Variants in PPP2R2B observed in about 807,000 individuals in gnomAD.
The protein encoded by PPP2R2B is protein phosphatase 2 regulatory subunit Bbeta.
Under a neutral mutation model 46.0 loss-of-function variants are expected in PPP2R2B, and 5 were observed. That is an observed-to-expected ratio of 0.11 (90% CI 0.06 to 0.23). PPP2R2B has a LOEUF of 0.23. PPP2R2B is among the 10% of genes least tolerant of loss of function. PPP2R2B has a pLI of 1.00. For missense variants in PPP2R2B, 367 were observed against 575.0 expected (o/e 0.64, Z 3.70); for synonymous variants, 215 against 206.7 (o/e 1.04, Z -0.34).
intron 7 of PPP2R2B, among the ~76,000 whole-genome samples, chr5:146,623,263 A>C (rs1474356041): frequency 6.6e-6 from 1 of 152,252 alleles, no homozygotes; most frequent in African/African-American, 2.4e-5. Context: ...AACATTTGAA[A>C]TCACTATTTC....
intron 1 of PPP2R2B, among the ~76,000 whole-genome samples, chr5:147,053,386 C>G (rs892643850): frequency 6.6e-6 from 1 of 152,102 alleles, no homozygotes; most frequent in Non-Finnish European, 1.5e-5. Context: ...TAGAGTTTCT[C>G]TTAAGGAGAT....
intron 2 of PPP2R2B, among the ~76,000 whole-genome samples, chr5:147,080,384 A>T (rs1757937966): frequency 6.6e-6 from 1 of 152,212 alleles, no homozygotes; most frequent in Non-Finnish European, 1.5e-5. Flanking sequence ...ACCGTGATTT[A>T]AAATACCCAG....
At chr5:146,748,914 G>A (rs1308758206) in intron 2 of PPP2R2B, among the ~76,000 whole-genome samples, 1 of 152,156 alleles carries the variant, frequency 6.6e-6, no homozygotes, top group African/African-American at 2.4e-5. Flanking sequence ...AATACCCAGA[G>A]GTGCAATTCT....
chr5:147,003,589 G>C (rs1377862177), intron 1 of PPP2R2B, among the ~76,000 whole-genome samples: 2 of 152,100 alleles, frequency 1.3e-5, no homozygotes, highest in African/African-American at 2.4e-5. Flanking sequence ...GGAGATACCT[G>C]GTATCTTAGT....
intron 5 of PPP2R2B, among the ~76,000 whole-genome samples, chr5:146,675,109 G>A (rs548266948): frequency 1.3e-4 from 20 of 152,080 alleles, no homozygotes; most frequent in Admixed American, 2.6e-4. Flanking sequence ...TTACAGGCAT[G>A]CGCCACCACA....
chr5:146,830,205 A>C (rs900799447), intron 2 of PPP2R2B, among the ~76,000 whole-genome samples: 8 of 152,214 alleles, frequency 5.3e-5, no homozygotes, highest in Admixed American at 2.6e-4. Flanking sequence ...AACCATGATG[A>C]ATCTTCTTCA....
chr5:146,626,593 G>T (rs1467420075), intron 7 of PPP2R2B, among the ~76,000 whole-genome samples: 3 of 152,180 alleles, frequency 2.0e-5, no homozygotes, highest in Non-Finnish European at 4.4e-5. Context: ...CCTGAACCTA[G>T]AATTCAGGAT....
At chr5:146,976,291 C>G (rs1029694232) in intron 1 of PPP2R2B, among the ~76,000 whole-genome samples, 6 of 151,836 alleles carry the variant, frequency 4.0e-5, no homozygotes, top group Non-Finnish European at 7.4e-5. Flanking sequence ...GCATGCACCA[C>G]TACGCCCAAC....
At chr5:146,877,219 G>A (rs1761945996) in intron 2 of PPP2R2B, among the ~76,000 whole-genome samples, 1 of 152,142 alleles carries the variant, frequency 6.6e-6, no homozygotes, top group Non-Finnish European at 1.5e-5. Context: ...TGCCCGCACA[G>A]CACTAGTGCT....
At chr5:146,846,707 T>C (rs1273061233) in intron 2 of PPP2R2B, among the ~76,000 whole-genome samples, 1 of 152,146 alleles carries the variant, frequency 6.6e-6, no homozygotes, top group Non-Finnish European at 1.5e-5. Flanking sequence ...ATCTGTATTC[T>C]TTATTTTTTT....
At chr5:147,013,005 C>T (rs995660450) in intron 1 of PPP2R2B, among the ~76,000 whole-genome samples, 1 of 151,712 alleles carries the variant, frequency 6.6e-6, no homozygotes, top group African/African-American at 2.4e-5. Context: ...AGCCCAAAAT[C>T]TCCTTAAGCT....
rs1755139334 is a variant in PPP2R2B at position 146,775,701 on chromosome 5, G to A, written c.71-74559C>T. 2.0e-5 allele frequency among the ~76,000 whole-genome samples: 3 copies of A among 151,986 alleles called. No homozygotes were observed. In the South Asian group the frequency reaches 6.2e-4, roughly 31 times the overall value. ...AGTAAAACTATCTTCGCCTGCAGATGATATGATCTTACATTTAAAAACCTT... is the reference window on the plus strand; with the variant it reads ...AGTAAAACTATCTTCGCCTGCAGATAATATGATCTTACATTTAAAAACCTT... On this transcript the variant is annotated intron_variant, in intron 2 of 9. Transcript: ENST00000394411.
At position 146,633,375 on chromosome 5, in the gene PPP2R2B, C is replaced by T. The variant is rs149533629; in HGVS notation, c.790+4876G>A. 1.3e-3 allele frequency among the ~76,000 whole-genome samples: 197 copies of T among 152,320 alleles called. 1 individual carries two copies. Among genetic ancestry groups the T allele is most frequent in the Non-Finnish European group, 2.0e-3 (138 of 68,024 alleles). On this transcript the variant is annotated intron_variant, in intron 7 of 9. Coordinates refer to ENST00000394411, the MANE Select transcript of PPP2R2B (RefSeq NM_181675.4). ...CTGTCTCAATTCCGATCACACACCT[C>T]GGCTGAACTGCGGTTGACTGCAGGC...
At chr5:146,978,110 A>G (rs1426319707) in intron 1 of PPP2R2B, among the ~76,000 whole-genome samples, 3 of 152,182 alleles carry the variant, frequency 2.0e-5, no homozygotes, top group Non-Finnish European at 4.4e-5. Flanking sequence ...TTCGGTTTGC[A>G]CTTCTCTAAT....
At chr5:147,066,069 G>T (rs955903050) in intron 2 of PPP2R2B, among the ~76,000 whole-genome samples, 3 of 152,054 alleles carry the variant, frequency 2.0e-5, no homozygotes, top group African/African-American at 7.3e-5. Flanking sequence ...TGTTAAGCCT[G>T]CTCTCTTAAC....
chr5:146,684,516 G>A (rs527733418), intron 5 of PPP2R2B, among the ~76,000 whole-genome samples: 2 of 152,280 alleles, frequency 1.3e-5, no homozygotes, highest in Non-Finnish European at 2.9e-5. Flanking sequence ...GCCCCTCAGA[G>A]CCAGTTACCC....
intron 1 of PPP2R2B, among the ~76,000 whole-genome samples, chr5:146,952,134 CA>C (rs1012395061): frequency 5.9e-5 from 9 of 152,000 alleles, no homozygotes; most frequent in African/African-American, 1.9e-4. Context: ...ATATTATTAT[CA>C]TGATCTTCAA....
intron 2 of PPP2R2B, among the ~76,000 whole-genome samples, chr5:146,839,695 C>T (rs921939628): frequency 9.9e-5 from 15 of 152,174 alleles, no homozygotes; most frequent in African/African-American, 3.4e-4. Context: ...TCATCAGCAA[C>T]TTGGAGAGTC....
intron 2 of PPP2R2B, among the ~76,000 whole-genome samples, chr5:146,831,606 C>A (rs1301570068): frequency 6.6e-6 from 1 of 151,258 alleles, no homozygotes; most frequent in Non-Finnish European, 1.5e-5. Flanking sequence ...ACATGTACCT[C>A]GGAACTTAAA....
Sources: gnomAD v4.1 joint callset for allele counts (sites outside exome capture counted in the v4.1 genomes callset) on GRCh38, gnomAD v4.1.1 for gene constraint, MANE v1.5 for transcripts, NCBI Gene and HGNC (gene_info 2026-07-23, HGNC 2026-07-21) for gene names.